DMGDH: variants seen among roughly 807,000 people sequenced by gnomAD.
The protein encoded by DMGDH is dimethylglycine dehydrogenase.
DMGDH carries 76 observed loss-of-function variants against 95.2 expected under a neutral mutation model. That is an observed-to-expected ratio of 0.80 (90% CI 0.66 to 0.97). The LOEUF is 0.97. DMGDH is among the 50% of genes least tolerant of loss of function. The pLI is 0.00. For missense variants in DMGDH, 987 were observed against 1,055.0 expected (o/e 0.94, Z 0.89); for synonymous variants, 345 against 377.6 (o/e 0.91, Z 1.00).
chr5:79,063,496 G>A (rs1001001622), intron 2 of DMGDH, 117 bp downstream of exon 2: 67 of 1,174,816 alleles, frequency 5.7e-5, no homozygotes, highest in Admixed American at 2.5e-4. Context: ...CACTTCCAAC[G>A]CTATTGAAGG....
chr5:79,027,093 C>T lies in DMGDH; in HGVS notation c.2033-512G>A, dbSNP rs75632408. Among the ~76,000 whole-genome samples, 1,226 of 152,318 alleles carry T rather than the reference C, an allele frequency of 8.0e-3. 19 individuals are homozygous for T. Among genetic ancestry groups the T allele is most frequent in the Non-Finnish European group, 8.7e-3 (591 of 68,016 alleles). Reference sequence around the variant, plus strand: ...CTCCCCCTCCCACTTCTTCCCTAGTCATTTCCTTCACCAACAGAGCTGTGG... The same window carrying T: ...CTCCCCCTCCCACTTCTTCCCTAGTTATTTCCTTCACCAACAGAGCTGTGG... On this transcript the variant is annotated intron_variant, in intron 12 of 15. Transcript: ENST00000255189.
chr5:79,036,597 T>C (rs1410421639), intron 7 of DMGDH, among the ~76,000 whole-genome samples: 1 of 152,200 alleles, frequency 6.6e-6, no homozygotes, highest in Non-Finnish European at 1.5e-5. Flanking sequence ...AAAATAGCTG[T>C]GGCTGAGGAT....
Position 79,044,334 on chromosome 5 carries a change from CCTGAACTTT to C in DMGDH, c.955_963del (p.Lys319_Gln321del). 6.2e-7 allele frequency: 1 copy of C among 1,614,182 alleles called. No individual in the cohort carries two copies. The highest frequency in any genetic ancestry group is 1.7e-5 in the Admixed American group (1 of 60,032). The stretch of plus-strand genomic sequence containing the variant: ...GGAACTCCATTGGTGACCCAGGAGT[CCTGAACTTT>C]CATTTTCTCTTGACTTTCATATGGA... On this transcript the variant is annotated inframe_deletion, in exon 6 of 16. Coordinates refer to ENST00000255189, the MANE Select transcript of DMGDH (RefSeq NM_013391.3).
intron 14 of DMGDH, among the ~76,000 whole-genome samples, chr5:79,010,290 G>A (rs1173485338): frequency 6.6e-6 from 1 of 152,172 alleles, no homozygotes; most frequent in Non-Finnish European, 1.5e-5. Context: ...GGAGAGCTCT[G>A]AGATATGTAG....
At chr5:79,060,365 A>G (rs1319060250) in intron 2 of DMGDH, among the ~76,000 whole-genome samples, 2 of 152,144 alleles carry the variant, frequency 1.3e-5, no homozygotes, top group Middle Eastern at 3.2e-3. Context: ...GCTCTATCCT[A>G]TTAGGTATAT....
At chr5:79,009,688 A>G (rs1279420784) in intron 14 of DMGDH, among the ~76,000 whole-genome samples, 2 of 152,168 alleles carry the variant, frequency 1.3e-5, no homozygotes, top group Non-Finnish European at 2.9e-5. Flanking sequence ...AATAAGTGCC[A>G]TAAGTACAGA....
At chr5:79,005,461 G>C (rs1158535043) in intron 14 of DMGDH, 54 bp from the exon 15 acceptor site, 6 of 1,611,454 alleles carry the variant, frequency 3.7e-6, no homozygotes, top group Middle Eastern at 1.7e-4. Context: ...CTGTGACAAG[G>C]TTAGAGATGC....
At chr5:79,014,681 TAGTG>T (rs1201071071) in intron 14 of DMGDH, among the ~76,000 whole-genome samples, 1 of 152,198 alleles carries the variant, frequency 6.6e-6, no homozygotes, top group East Asian at 1.9e-4. Flanking sequence ...AACTAACACT[TAGTG>T]AGGTACCAAA....
At position 79,065,397 on chromosome 5, in the gene DMGDH, A is replaced by T. The variant is rs1420403061; in HGVS notation, c.102-1610T>A. 3.3e-5 allele frequency among the ~76,000 whole-genome samples: 5 copies of T among 151,426 alleles called. No individual in the cohort carries two copies. In the East Asian group the frequency reaches 9.8e-4, roughly 30 times the overall value. On this transcript the variant is annotated intron_variant, in intron 1 of 15. Coordinates refer to ENST00000255189, the MANE Select transcript of DMGDH (RefSeq NM_013391.3). Reference sequence around the variant, plus strand: ...CAGCTAATTTTTGTATTTTTAGTGGAGACGGGGTTTCACCATGTTGGCCAG... The same window carrying T: ...CAGCTAATTTTTGTATTTTTAGTGGTGACGGGGTTTCACCATGTTGGCCAG...
At chr5:79,065,884 G>A (rs1027920680) in intron 1 of DMGDH, among the ~76,000 whole-genome samples, 7 of 152,106 alleles carry the variant, frequency 4.6e-5, no homozygotes, top group Non-Finnish European at 1.5e-5. Context: ...CATTGTATAT[G>A]TGGTCCATCA....
Position 78,998,280 on chromosome 5 carries a change from T to C in DMGDH, c.2403A>G (p.Thr801=). ...GGATGCTGTAGCTATAGCTTCCAGA[T>C]GTCGTGTTGCCAACCACCTGGAAAA... ...WYNGKVVGNT[T]SGSYSYSIQK... is the part of the protein sequence containing the mutation. The change falls in exon 16 of 16, where the codon ACA becomes ACG. Residue 801 remains threonine (T), a synonymous_variant. Coordinates refer to ENST00000255189, the MANE Select transcript of DMGDH (RefSeq NM_013391.3). 3 of 1,613,730 alleles carry C rather than the reference T, an allele frequency of 1.9e-6. No individual in the cohort carries two copies. Among genetic ancestry groups the C allele is most frequent in the Non-Finnish European group, 2.5e-6 (3 of 1,179,814 alleles).
chr5:79,053,481 T>C (rs1437900383), intron 4 of DMGDH, among the ~76,000 whole-genome samples: 1 of 152,204 alleles, frequency 6.6e-6, no homozygotes, highest in African/African-American at 2.4e-5. Context: ...CATACTATTA[T>C]TGTGAAGATT....
chr5:79,008,990 A>G (rs1197353379), intron 14 of DMGDH, among the ~76,000 whole-genome samples: 1 of 152,190 alleles, frequency 6.6e-6, no homozygotes, highest in Non-Finnish European at 1.5e-5. Flanking sequence ...CTGCACCTTT[A>G]GATTTTATCC....
intron 14 of DMGDH, among the ~76,000 whole-genome samples, chr5:79,023,645 G>C (rs145002231): frequency 1.2e-4 from 18 of 152,294 alleles, no homozygotes; most frequent in African/African-American, 4.1e-4. Context: ...TAGTCTGAAG[G>C]CTACATTTTA....
intron 14 of DMGDH, among the ~76,000 whole-genome samples, chr5:79,006,015 A>C (rs114099443): frequency 0.016 from 2,479 of 151,436 alleles, 41 homozygotes; most frequent in Non-Finnish European, 0.027. Context: ...AGACATTTTT[A>C]TCAAAGAGTT....
intron 1 of DMGDH, among the ~76,000 whole-genome samples, 200 bp from the exon 2 acceptor site, chr5:79,063,987 C>T (rs1180929208): frequency 6.6e-6 from 1 of 152,092 alleles, no homozygotes; most frequent in Non-Finnish European, 1.5e-5. Context: ...AGCCCCATTC[C>T]ATATAATGAT....
At chr5:79,031,413 G>A (rs1754177096) in intron 9 of DMGDH, among the ~76,000 whole-genome samples, 1 of 152,206 alleles carries the variant, frequency 6.6e-6, no homozygotes, top group Admixed American at 6.5e-5. Flanking sequence ...GGGTGGAGCT[G>A]TCTGGTCCAG....
chr5:79,015,466 A>G (rs1753714646), intron 14 of DMGDH, among the ~76,000 whole-genome samples: 1 of 152,234 alleles, frequency 6.6e-6, no homozygotes, highest in Non-Finnish European at 1.5e-5. Flanking sequence ...GATACACTCC[A>G]AATTCCTTAG....
intron 14 of DMGDH, among the ~76,000 whole-genome samples, chr5:79,023,421 A>T (rs1179889029): frequency 1.3e-5 from 2 of 152,200 alleles, no homozygotes; most frequent in Non-Finnish European, 2.9e-5. Context: ...GCTTGTACAG[A>T]TGAGCTTGGC....
Sources: gnomAD v4.1 joint callset for allele counts (sites outside exome capture counted in the v4.1 genomes callset) on GRCh38, gnomAD v4.1.1 for gene constraint, MANE v1.5 for transcripts, NCBI Gene and HGNC (gene_info 2026-07-23, HGNC 2026-07-21) for gene names.